The following MLLT3 variants were observed in gnomAD, a reference collection of about 807,000 sequenced individuals.
MLLT3 encodes MLLT3 super elongation complex subunit, also known as protein AF-9.
MLLT3 carries 4 observed loss-of-function variants against 53.2 expected under a neutral mutation model. That is an observed-to-expected ratio of 0.08 (90% confidence interval 0.04 to 0.17). The LOEUF (loss-of-function observed/expected upper bound fraction) is 0.17. Among genes scored for constraint, MLLT3 ranks in the 10% least tolerant of loss-of-function variants. The pLI is 1.00. For synonymous variants in MLLT3, 283 were observed against 230.6 expected (o/e 1.23, Z -2.06); for missense variants, 569 against 684.0 (o/e 0.83, Z 1.87).
intron 2 of MLLT3, among the ~76,000 whole-genome samples, chr9:20,517,320 A>G (rs79768534): frequency 0.014 from 2,155 of 152,270 alleles, 53 homozygotes; most frequent in African/African-American, 0.05. Context: ...ATCCACTGAG[A>G]GGGACCAGAA....
chr9:20,469,069 A>T (rs10964567), intron 2 of MLLT3, among the ~76,000 whole-genome samples: 10,422 of 152,270 alleles, frequency 0.068, 446 homozygotes, highest in Non-Finnish European at 0.095. Flanking sequence ...GGAATACTAA[A>T]TATTGCCCCC....
chr9:20,488,424 A>C (rs1217741393), intron 2 of MLLT3, among the ~76,000 whole-genome samples: 1 of 152,140 alleles, frequency 6.6e-6, no homozygotes, highest in East Asian at 1.9e-4. Context: ...TGATAATCTA[A>C]ACTGAATGAA....
chr9:20,360,803 G>C lies in MLLT3; in HGVS notation c.1370C>G (p.Ser457Cys), dbSNP rs991166324. ...LSDGSDSESS[S>C]ASSPLHHEPP... The stretch of plus-strand genomic sequence containing the variant: ...TTCGTGATGTAGGGGTGAAGAAGCA[G>C]AACTGCTTTCACTATCGCTGCCATC... The change falls in exon 8 of 11, where the codon TCT becomes TGT. Residue 457 changes from serine to cysteine, a missense_variant. Transcript: ENST00000380338. The C allele has an allele frequency of 6.2e-7, 1 of 1,614,080 alleles. No homozygotes were observed. Among genetic ancestry groups the C allele is most frequent in the African/African-American group, 1.3e-5 (1 of 75,042 alleles).
chr9:20,406,320 C>T (rs566383656), intron 5 of MLLT3, among the ~76,000 whole-genome samples: 1 of 152,094 alleles, frequency 6.6e-6, no homozygotes, highest in African/African-American at 2.4e-5. Context: ...CCTTCAAAGA[C>T]CAGCTCAAAT....
intron 2 of MLLT3, among the ~76,000 whole-genome samples, chr9:20,502,952 C>A (rs10811354): frequency 6.6e-6 from 1 of 151,996 alleles, no homozygotes; most frequent in Non-Finnish European, 1.5e-5. Context: ...CCATTCACTA[C>A]AGCAACCAAA....
chr9:20,525,508 A>C (rs1040189085), intron 2 of MLLT3, among the ~76,000 whole-genome samples: 6 of 152,150 alleles, frequency 3.9e-5, no homozygotes, highest in Admixed American at 3.3e-4. Context: ...AAAAAATAAA[A>C]AATAAAGACA....
intron 2 of MLLT3, among the ~76,000 whole-genome samples, chr9:20,575,983 CG>C (rs1184916145): frequency 3.3e-5 from 5 of 152,186 alleles, no homozygotes; most frequent in Non-Finnish European, 7.3e-5. Context: ...AATCGAAGGC[CG>C]TTTCACCTAC....
chr9:20,416,855 A>C (rs1382818762), intron 4 of MLLT3, among the ~76,000 whole-genome samples: 4 of 152,114 alleles, frequency 2.6e-5, no homozygotes, highest in African/African-American at 9.7e-5. Context: ...GCAGTTTTTA[A>C]GGCAGCATTT....
intron 2 of MLLT3, among the ~76,000 whole-genome samples, chr9:20,496,442 C>T (rs951428276): frequency 3.9e-5 from 6 of 152,168 alleles, no homozygotes; most frequent in African/African-American, 1.4e-4. Context: ...TCACTCCATT[C>T]TATCCCAATT....
intron 2 of MLLT3, among the ~76,000 whole-genome samples, chr9:20,575,685 C>A (rs1819635580): frequency 6.6e-6 from 1 of 152,006 alleles, no homozygotes; most frequent in African/African-American, 2.4e-5. Context: ...TTTTTCTGAG[C>A]AGTAGGTCTC....
chr9:20,471,505 T>A (rs748330968), intron 2 of MLLT3, among the ~76,000 whole-genome samples: 1 of 152,062 alleles, frequency 6.6e-6, no homozygotes, highest in Non-Finnish European at 1.5e-5. Flanking sequence ...TAAACTGTGT[T>A]CTTTGCTGCT....
At chr9:20,475,581 C>T (rs1051491352) in intron 2 of MLLT3, among the ~76,000 whole-genome samples, 5 of 152,032 alleles carry the variant, frequency 3.3e-5, no homozygotes, top group Non-Finnish European at 5.9e-5. Flanking sequence ...TCAACAGGAT[C>T]AGAAATATAT....
chr9:20,478,425 C>G (rs918759667), intron 2 of MLLT3, among the ~76,000 whole-genome samples: 1 of 152,062 alleles, frequency 6.6e-6, no homozygotes, highest in African/African-American at 2.4e-5. Flanking sequence ...TAACCACAGA[C>G]GGACTGACTA....
chr9:20,495,405 G>A (rs995174480), intron 2 of MLLT3, among the ~76,000 whole-genome samples: 4 of 152,152 alleles, frequency 2.6e-5, no homozygotes, highest in Admixed American at 2.6e-4. Flanking sequence ...TAGTCTAGAG[G>A]TTAAGGTAGA....
intron 2 of MLLT3, among the ~76,000 whole-genome samples, chr9:20,483,440 C>T (rs1190767043): frequency 6.6e-6 from 1 of 151,474 alleles, no homozygotes; most frequent in African/African-American, 2.4e-5. Flanking sequence ...ACTATGTTGC[C>T]CAGGCTGGTC....
intron 2 of MLLT3, among the ~76,000 whole-genome samples, chr9:20,603,924 A>T (rs979715503): frequency 6.6e-6 from 1 of 152,076 alleles, no homozygotes; most frequent in Admixed American, 6.6e-5. Flanking sequence ...TAACCCTGGT[A>T]ATTTGCCTCA....
chr9:20,403,116 T>C (rs1410546881), intron 5 of MLLT3, among the ~76,000 whole-genome samples: 2 of 149,466 alleles, frequency 1.3e-5, no homozygotes, highest in African/African-American at 5.1e-5. Flanking sequence ...GGGCCCCCTT[T>C]TAAAAAAAAA....
chr9:20,456,425 C>A (rs1162207034), intron 3 of MLLT3, among the ~76,000 whole-genome samples: 2 of 152,084 alleles, frequency 1.3e-5, no homozygotes. Flanking sequence ...TTCTATTTTA[C>A]AAACATATTT....
Position 20,488,213 on chromosome 9 carries a change from A to G in MLLT3, c.194-31427T>C, listed in dbSNP as rs561628783. On this transcript the variant is annotated intron_variant, in intron 2 of 10. Transcript: ENST00000380338. ...TGCCAGGGGTCAGAAGGAGGGGGGA[A>G]TAGGGAATTACTACTTAATAGGTAG... Among the ~76,000 whole-genome samples the G allele has an allele frequency of 3.3e-5, 5 of 152,210 alleles. No individual in the cohort carries two copies. In the East Asian group the frequency reaches 9.6e-4, roughly 29 times the overall value.
Sources: gnomAD v4.1 joint callset for allele counts (sites outside exome capture counted in the v4.1 genomes callset) on GRCh38, gnomAD v4.1.1 for gene constraint, MANE v1.5 for transcripts, NCBI Gene and HGNC (gene_info 2026-07-23, HGNC 2026-07-21) for gene names.